AGBL1: variants seen among roughly 807,000 people sequenced by gnomAD.
AGBL1 encodes the protein cytosolic carboxypeptidase 4.
A neutral mutation model predicts 118.9 loss-of-function variants in AGBL1; 130 were observed. The ratio of observed to expected loss-of-function variants is 1.09; its 90% CI spans 0.95 to 1.26. AGBL1 has a LOEUF of 1.26. Among genes scored for constraint, AGBL1 ranks in the 50% most tolerant of loss-of-function variants. The pLI, the probability that AGBL1 is intolerant of heterozygous loss-of-function variation, is 0.00. For missense variants in AGBL1, 1,584 were observed against 1,298.1 expected (o/e 1.22, Z -3.38); for synonymous variants, 555 against 478.9 (o/e 1.16, Z -2.08).
chr15:86,612,657 G>C (rs1438163160), intron 21 of AGBL1, among the ~76,000 whole-genome samples: 2 of 152,148 alleles, frequency 1.3e-5, no homozygotes, highest in Non-Finnish European at 2.9e-5. Flanking sequence ...ATATTTCTTT[G>C]ACGTATTTTG....
At chr15:86,927,476 A>T (rs1001121963) in intron 23 of AGBL1, among the ~76,000 whole-genome samples, 4 of 151,436 alleles carry the variant, frequency 2.6e-5, no homozygotes, top group Non-Finnish European at 5.9e-5. Context: ...AGTCCTAGCT[A>T]CTTGAGAGGC....
At position 86,264,791 on chromosome 15, in the gene AGBL1, C is replaced by T. The variant is rs2079047503; in HGVS notation, c.1620C>T (p.Pro540=). 1 of 1,613,746 alleles carries T rather than the reference C, an allele frequency of 6.2e-7. No homozygotes were observed. The highest frequency in any genetic ancestry group is 2.2e-5 in the East Asian group (1 of 44,874). ...TTCCTGATGTCTGGGGACACTGTCCCCCTCCCACCACCCAGCCTATGTTGG... is the reference window on the plus strand; with the variant it reads ...TTCCTGATGTCTGGGGACACTGTCCTCCTCCCACCACCCAGCCTATGTTGG... The part of the protein sequence containing the change: ...MAFPDVWGHC[P]PPTTQPMLER... The change falls in exon 11 of 23, where the codon CCC becomes CCT. Residue 540 remains proline (P), a synonymous_variant. Transcript: ENST00000614907.
intron 22 of AGBL1, among the ~76,000 whole-genome samples, chr15:86,698,229 C>G (rs1226980249): frequency 6.6e-6 from 1 of 151,966 alleles, no homozygotes; most frequent in African/African-American, 2.4e-5. Context: ...TAGGGTTGGT[C>G]TCCTAGGACA....
chr15:86,581,692 G>A (rs1896236762), intron 21 of AGBL1, among the ~76,000 whole-genome samples: 1 of 152,066 alleles, frequency 6.6e-6, no homozygotes, highest in Non-Finnish European at 1.5e-5. Context: ...ACCCCCAAAT[G>A]TTACCTAGAA....
chr15:86,964,421 C>CA (rs1347977561), intron 23 of AGBL1, among the ~76,000 whole-genome samples: 1 of 151,744 alleles, frequency 6.6e-6, no homozygotes, highest in Non-Finnish European at 1.5e-5. Context: ...ACTGTGATAA[C>CA]AAAAAATGTG....
At chr15:86,477,265 A>C (rs1157267775) in intron 18 of AGBL1, among the ~76,000 whole-genome samples, 1 of 152,142 alleles carries the variant, frequency 6.6e-6, no homozygotes, top group Non-Finnish European at 1.5e-5. Flanking sequence ...GACACAAAAA[A>C]ACCCTTCAAA....
intron 23 of AGBL1, among the ~76,000 whole-genome samples, chr15:86,960,406 G>A (rs1438401762): frequency 6.6e-6 from 1 of 151,900 alleles, no homozygotes; most frequent in Non-Finnish European, 1.5e-5. Flanking sequence ...CACCACTCTT[G>A]TTTTATTTTC....
At chr15:86,960,087 T>C (rs765276971) in intron 23 of AGBL1, among the ~76,000 whole-genome samples, 31 of 152,154 alleles carry the variant, frequency 2.0e-4, no homozygotes, top group Non-Finnish European at 3.7e-4. Flanking sequence ...TAACCTTTCT[T>C]TGTTGACTTG....
At chr15:86,614,105 TTCTA>T (rs1286344879) in intron 21 of AGBL1, among the ~76,000 whole-genome samples, 1 of 152,132 alleles carries the variant, frequency 6.6e-6, no homozygotes, top group East Asian at 1.9e-4. Flanking sequence ...TAATAGAAGA[TTCTA>T]TCTGTTTTAA....
At chr15:86,632,285 A>AAG (rs1377472775) in intron 21 of AGBL1, among the ~76,000 whole-genome samples, 1 of 150,332 alleles carries the variant, frequency 6.7e-6, no homozygotes, top group East Asian at 2.0e-4. Flanking sequence ...AAAAAAAAAA[A>AAG]AAAAAAAGGC....
In AGBL1 at chr15:86,264,336, G is replaced by A; in HGVS notation, c.1165G>A (p.Ala389Thr). ...YANHHHIPAA[A>T]SSKQHCYSKD... The stretch of plus-strand genomic sequence containing the variant: ...CAATCACCACCACATTCCAGCCGCT[G>A]CCTCCTCAAAACAGCATTGCTACAG... Residue 389 changes from alanine to threonine, a missense_variant, in exon 11 of 23, where the codon GCC becomes ACC. Coordinates refer to ENST00000614907, the MANE Select transcript of AGBL1 (RefSeq NM_001386094.1). 6.2e-7 allele frequency: 1 copy of A among 1,612,712 alleles called. No individual in the cohort carries two copies. The highest frequency in any genetic ancestry group is 8.5e-7 in the Non-Finnish European group (1 of 1,179,338).
chr15:86,379,451 T>C (rs1222609470), intron 17 of AGBL1, among the ~76,000 whole-genome samples: 1 of 152,208 alleles, frequency 6.6e-6, no homozygotes, highest in Non-Finnish European at 1.5e-5. Flanking sequence ...ATACCAATAA[T>C]GTATTCACTC....
intron 17 of AGBL1, among the ~76,000 whole-genome samples, chr15:86,347,719 T>A (rs184130128): frequency 9.8e-5 from 15 of 152,362 alleles, no homozygotes; most frequent in African/African-American, 3.4e-4. Context: ...TTAATGAATT[T>A]CACCTAATTG....
chr15:86,551,148 C>A (rs2083658134), intron 20 of AGBL1, among the ~76,000 whole-genome samples: 1 of 151,928 alleles, frequency 6.6e-6, no homozygotes, highest in African/African-American at 2.4e-5. Flanking sequence ...AATCAAGAAT[C>A]TAAGCATCCA....
At chr15:86,950,159 A>G (rs2080864850) in intron 23 of AGBL1, among the ~76,000 whole-genome samples, 1 of 152,038 alleles carries the variant, frequency 6.6e-6, no homozygotes, top group African/African-American at 2.4e-5. Flanking sequence ...CCTAAAGGAA[A>G]GATAATTTTA....
At chr15:86,952,842 C>G (rs952101737) in intron 23 of AGBL1, among the ~76,000 whole-genome samples, 18 of 152,192 alleles carry the variant, frequency 1.2e-4, no homozygotes, top group Admixed American at 5.2e-4. Flanking sequence ...AATCTATTTT[C>G]AGTTAATTTT....
At chr15:86,782,837 T>G (rs2078353640) in intron 22 of AGBL1, among the ~76,000 whole-genome samples, 1 of 152,234 alleles carries the variant, frequency 6.6e-6, no homozygotes, top group South Asian at 2.1e-4. Context: ...AGCAGTGAAA[T>G]GTTTTAAGAA....
chr15:86,136,948 A>G (rs1323076656), intron 1 of AGBL1, among the ~76,000 whole-genome samples: 4 of 152,138 alleles, frequency 2.6e-5, no homozygotes, highest in Non-Finnish European at 5.9e-5. Context: ...ACATTTTTTT[A>G]TAGGATTTTT....
chr15:86,955,810 C>T (rs1031119388), intron 23 of AGBL1, among the ~76,000 whole-genome samples: 2 of 152,040 alleles, frequency 1.3e-5, no homozygotes, highest in African/African-American at 4.8e-5. Context: ...GATTCCAAGG[C>T]TTTCCCTCCA....
Sources: gnomAD v4.1 joint callset for allele counts (sites outside exome capture counted in the v4.1 genomes callset) on GRCh38, gnomAD v4.1.1 for gene constraint, MANE v1.5 for transcripts, NCBI Gene and HGNC (gene_info 2026-07-23, HGNC 2026-07-21) for gene names.